Variants in SPATA13 observed in about 807,000 individuals in gnomAD.
SPATA13 encodes the protein spermatogenesis-associated protein 13.
Under a neutral mutation model 104.0 loss-of-function variants are expected in SPATA13, and 50 were observed. The ratio of observed to expected loss-of-function variants is 0.48; its 90% CI spans 0.38 to 0.61. The LOEUF (loss-of-function observed/expected upper bound fraction) is 0.61, where lower values mean the gene tolerates loss of function less well. Ranked by LOEUF, SPATA13 falls within the 20% of genes least tolerant of loss-of-function variation. The pLI, the probability that SPATA13 is intolerant of heterozygous loss-of-function variation, is 0.00. For synonymous variants in SPATA13, 606 were observed against 667.5 expected (o/e 0.91, Z 1.42); for missense variants, 1,524 against 1,690.6 (o/e 0.90, Z 1.73).
Position 24,051,404 on chromosome 13 carries a change from C to T in SPATA13, c.-112+33703C>T, listed in dbSNP as rs1405951801. Among the ~76,000 whole-genome samples the T allele has an allele frequency of 6.6e-6, 1 of 152,232 alleles. No individual in the cohort carries two copies. The highest frequency in any genetic ancestry group is 1.5e-5 in the Non-Finnish European group (1 of 68,048). ...AGGACTGCCTGGCATCCCTCCCTAT[C>T]TCCTTTCAGCCACACCAGGTACAGC... On this transcript the variant is annotated intron_variant, in intron 3 of 14. Coordinates refer to the SPATA13 transcript ENST00000424834. The surrounding 1 kb of genome is among the most constrained non-coding windows in gnomAD (Gnocchi z 4.2).
chr13:24,223,593 G>A lies in SPATA13; in HGVS notation c.664G>A (p.Ala222Thr), dbSNP rs1293724844. 6.4e-7 allele frequency: 1 copy of A among 1,550,728 alleles called. No homozygotes were observed. The highest frequency in any genetic ancestry group is 2.4e-5 in the East Asian group (1 of 40,922). Residue 222 changes from alanine (A) to threonine (T), a missense_variant, in exon 2 of 13, where the codon GCG becomes ACG. By Grantham distance (58) the Ala-to-Thr change is moderately conservative (BLOSUM62 0). Coordinates refer to ENST00000382108, the MANE Select transcript of SPATA13 (RefSeq NM_001166271.3). ...CCTGCTGGATGCGCCCCAGAACCATGCGACACCCACGATAGCCACTGGCCA... is the reference window on the plus strand; with the variant it reads ...CCTGCTGGATGCGCCCCAGAACCATACGACACCCACGATAGCCACTGGCCA... ...ICLLDAPQNH[A>T]TPTIATGQVP...
At chr13:24,166,995 G>T (rs1396102816) in intron 1 of SPATA13, among the ~76,000 whole-genome samples, 1 of 152,172 alleles carries the variant, frequency 6.6e-6, no homozygotes, top group African/African-American at 2.4e-5. Flanking sequence ...CAAAACCTTT[G>T]CTGCATGTTT....
intron 3 of SPATA13, chr13:24,033,624 G>T (rs1235951073): frequency 1.3e-5 from 2 of 152,398 alleles, no homozygotes; most frequent in African/African-American, 2.4e-5. Flanking sequence ...CCAGCCTGCA[G>T]TGGGGACCTG....
intron 3 of SPATA13, among the ~76,000 whole-genome samples, chr13:24,050,933 A>G (rs962676407): frequency 2.3e-4 from 35 of 152,138 alleles, no homozygotes; most frequent in African/African-American, 7.7e-4. Flanking sequence ...AGAATGTGCT[A>G]TTTGCTGACT....
At chr13:24,181,010 T>A (rs1404374122) in intron 1 of SPATA13, among the ~76,000 whole-genome samples, 1 of 152,222 alleles carries the variant, frequency 6.6e-6, no homozygotes, top group African/African-American at 2.4e-5. Flanking sequence ...CTGTACTGAA[T>A]ACTGTAGGCA....
rs193012790 is a variant in SPATA13 at position 24,038,073 on chromosome 13, A to G, written c.-112+20372A>G. Among the ~76,000 whole-genome samples the G allele has an allele frequency of 6.3e-3, 959 of 151,784 alleles. 10 individuals are homozygous for G. The highest frequency in any genetic ancestry group is 0.02 in the African/African-American group (821 of 41,370). On this transcript the variant is annotated intron_variant, in intron 3 of 14. Coordinates refer to the SPATA13 transcript ENST00000424834. ...ATTATAGGCGCCTGCCACCATGCCC[A>G]GCTAATTTTTTGTATTTTTTTAGTA...
chr13:24,247,852 T>C (rs1873243613), intron 2 of SPATA13, among the ~76,000 whole-genome samples: 1 of 152,100 alleles, frequency 6.6e-6, no homozygotes, highest in Non-Finnish European at 1.5e-5. Context: ...ATGGCGAGCC[T>C]GGGGCCCGGG....
At position 24,290,769 on chromosome 13, in the gene SPATA13, C is replaced by A; in HGVS notation, c.2965C>A (p.Leu989Met). Residue 989 changes from leucine (L) to methionine (M), a missense_variant, in exon 9 of 13, where the codon CTG becomes ATG. This residue lies in a region of SPATA13 where 435 missense variants were observed against 554.8 expected (regional missense o/e 0.78). Coordinates refer to ENST00000382108, the MANE Select transcript of SPATA13 (RefSeq NM_001166271.3). ...YRHFFEACRL[L>M]QQMIDIAIDG... Reference sequence around the variant, plus strand: ...ACATTTCTTTGAAGCCTGCCGCCTGCTGCAGCAGATGATTGACATCGCCAT... The same window carrying A: ...ACATTTCTTTGAAGCCTGCCGCCTGATGCAGCAGATGATTGACATCGCCAT... 6.2e-7 allele frequency: 1 copy of A among 1,614,244 alleles called. No homozygotes were observed.
intron 2 of SPATA13, among the ~76,000 whole-genome samples, chr13:24,230,427 G>A (rs1234966001): frequency 6.6e-6 from 1 of 152,140 alleles, no homozygotes; most frequent in Non-Finnish European, 1.5e-5. Flanking sequence ...TGGCAGAATT[G>A]GGGAGGGACA....
At chr13:24,024,009 A>C (rs891417024) in intron 3 of SPATA13, among the ~76,000 whole-genome samples, 26 of 152,248 alleles carry the variant, frequency 1.7e-4, no homozygotes, top group African/African-American at 6.0e-4. Flanking sequence ...GCAATAGTCC[A>C]TGACGGTGGT....
chr13:24,283,755 G>A (rs914576788), intron 4 of SPATA13, among the ~76,000 whole-genome samples: 1 of 152,176 alleles, frequency 6.6e-6, no homozygotes, highest in African/African-American at 2.4e-5. Context: ...CAGAATATTG[G>A]ATCATCTTTT....
At chr13:24,262,451 G>A (rs1874104867) in intron 4 of SPATA13, among the ~76,000 whole-genome samples, 1 of 152,016 alleles carries the variant, frequency 6.6e-6, no homozygotes, top group Admixed American at 6.6e-5. Context: ...AAGGCAGTAA[G>A]AATTCTTGAT....
intron 3 of SPATA13, among the ~76,000 whole-genome samples, chr13:24,112,206 C>T (rs1880660494): frequency 6.6e-6 from 1 of 152,194 alleles, no homozygotes; most frequent in African/African-American, 2.4e-5. Context: ...ATTGGCCAGA[C>T]ACCAATTAAA....
At chr13:24,156,791 G>A (rs78384903), upstream of SPATA13, among the ~76,000 whole-genome samples, 2 of 152,132 alleles carry the variant, frequency 1.3e-5, no homozygotes, top group Non-Finnish European at 2.9e-5. Context: ...TAAGGAGCCG[G>A]TCAAAGTGAG....
chr13:24,028,982 G>A (rs1877356123), intron 3 of SPATA13, among the ~76,000 whole-genome samples: 5 of 151,504 alleles, frequency 3.3e-5, no homozygotes, highest in Admixed American at 3.3e-4. Flanking sequence ...GGTGAGCCTG[G>A]GCCAGTATTT....
intron 3 of SPATA13, among the ~76,000 whole-genome samples, chr13:24,113,948 A>C (rs1411165904): frequency 6.6e-6 from 1 of 152,112 alleles, no homozygotes; most frequent in Non-Finnish European, 1.5e-5. Flanking sequence ...ATGTGTTACA[A>C]GTTTGCAGAT....
rs1156783194 is a variant in SPATA13, at chr13:24,294,824, A to G, written c.3166A>G (p.Ile1056Val). ...INERKRKLES[I>V]DKIARWQVSI... ...CGAGCGCAAGCGCAAGCTGGAGAGCATCGACAAGATAGCTCGCTGGCAGGT... is the reference window on the plus strand; with the variant it reads ...CGAGCGCAAGCGCAAGCTGGAGAGCGTCGACAAGATAGCTCGCTGGCAGGT... Residue 1056 changes from isoleucine to valine, a missense_variant, in exon 10 of 13, where the codon ATC (isoleucine) becomes GTC (valine). Around this residue, in one of 2 missense-constraint regions of SPATA13, gnomAD observed 435 missense variants for 554.8 expected, o/e 0.78. Transcript: ENST00000382108. 1.2e-6 allele frequency: 2 copies of G among 1,611,370 alleles called. No homozygotes were observed. Among genetic ancestry groups the G allele is most frequent in the Admixed American group, 3.3e-5 (2 of 59,984 alleles).
At chr13:24,230,581 C>A (rs901255256) in intron 2 of SPATA13, among the ~76,000 whole-genome samples, 6 of 152,222 alleles carry the variant, frequency 3.9e-5, no homozygotes, top group African/African-American at 1.4e-4. Context: ...CTTTGCTAAA[C>A]CTCATTTTCC....
chr13:24,255,328 G>T (rs1162598767), intron 4 of SPATA13, among the ~76,000 whole-genome samples: 2 of 152,084 alleles, frequency 1.3e-5, no homozygotes, highest in Non-Finnish European at 2.9e-5. Flanking sequence ...GTTGAGTGAG[G>T]GCCCTCCCTT....
Sources: allele counts gnomAD v4.1 joint callset (sites outside exome capture counted in the v4.1 genomes callset), GRCh38; gene constraint gnomAD v4.1.1; regional missense constraint gnomAD v4.1.1; non-coding constraint Gnocchi (gnomAD v3.1); transcripts MANE v1.5; gene names NCBI Gene and HGNC (gene_info 2026-07-23, HGNC 2026-07-21).